The following FNDC8 variants were observed in gnomAD, a reference collection of about 807,000 sequenced individuals.
The protein encoded by FNDC8 is fibronectin type III domain-containing protein 8.
FNDC8 carries 23 observed loss-of-function variants against 24.8 expected under a neutral mutation model. The ratio of observed to expected loss-of-function variants is 0.93; its 90% CI spans 0.67 to 1.31. The LOEUF (loss-of-function observed/expected upper bound fraction) is 1.31, where lower values mean the gene tolerates loss of function less well. Ranked by LOEUF, FNDC8 falls within the 40% of genes most tolerant of loss-of-function variation. The pLI is 0.00. For missense variants in FNDC8, 371 were observed against 398.2 expected (o/e 0.93, Z 0.58); for synonymous variants, 158 against 165.3 (o/e 0.96, Z 0.34).
intron 1 of FNDC8, among the ~76,000 whole-genome samples, chr17:35,125,500 A>G (rs1006299927): frequency 4.6e-5 from 7 of 152,266 alleles, no homozygotes; most frequent in African/African-American, 1.7e-4. Flanking sequence ...ACATGTATCA[A>G]GATAGATGAA....
intron 2 of FNDC8, chr17:35,129,147 G>A (rs1339341133): frequency 5.2e-6 from 2 of 385,102 alleles, no homozygotes; most frequent in Non-Finnish European, 9.7e-6. Flanking sequence ...ACTGCTATCA[G>A]TTGGTGGCCC....
At chr17:35,128,594 G>A (rs1486525858) in intron 2 of FNDC8, among the ~76,000 whole-genome samples, 2 of 152,108 alleles carry the variant, frequency 1.3e-5, no homozygotes, top group East Asian at 3.8e-4. Flanking sequence ...TGCCCTCTCT[G>A]GACCTAGTCG....
rs2091824155 is a variant in FNDC8, at chr17:35,121,619, C to G, written c.-75C>G. 1.4e-6 allele frequency: 2 copies of G among 1,396,392 alleles called. No homozygotes were observed. Among genetic ancestry groups the G allele is most frequent in the African/African-American group, 2.8e-5 (2 of 70,774 alleles). The allele number at this position is 1,396,392 out of a possible 1,614,324, so 86.5% of individuals were successfully genotyped here. A position where few individuals can be genotyped will look rare whatever the true frequency, so the allele number is the denominator to read the frequency against. On this transcript the variant is annotated 5_prime_UTR_variant, in exon 1 of 4. Coordinates refer to ENST00000158009, the MANE Select transcript of FNDC8 (RefSeq NM_017559.4). ...TGTCCAAACTAAAGGTGGGCCACTGCCCCCACAGTTTCTCTCTGCTTCTGG... is the reference window on the plus strand; with the variant it reads ...TGTCCAAACTAAAGGTGGGCCACTGGCCCCACAGTTTCTCTCTGCTTCTGG...
chr17:35,129,888 T>G, intron 3 of FNDC8: 1 of 1,407,722 alleles, frequency 7.1e-7, no homozygotes, highest in South Asian at 1.6e-5. Flanking sequence ...TCAACATCAC[T>G]ATAATGTTCC....
intron 2 of FNDC8, among the ~76,000 whole-genome samples, chr17:35,127,968 C>A (rs1242357304): frequency 6.6e-6 from 1 of 152,184 alleles, no homozygotes; most frequent in African/African-American, 2.4e-5. Context: ...TGCTGTGGCT[C>A]CCCGTCCGCG....
chr17:35,124,459 G>GGA (rs1567739360), intron 1 of FNDC8, among the ~76,000 whole-genome samples: 1 of 152,022 alleles, frequency 6.6e-6, no homozygotes, highest in Non-Finnish European at 1.5e-5. Flanking sequence ...CCCAGGAGGC[G>GGA]GAGGTTGCAG....
chr17:35,124,690 A>C (rs1368791551), intron 1 of FNDC8, among the ~76,000 whole-genome samples: 1 of 152,202 alleles, frequency 6.6e-6, no homozygotes, highest in Non-Finnish European at 1.5e-5. Flanking sequence ...CTTTGGGTAA[A>C]GGTAAAAAAA....
At chr17:35,127,776 A>G (rs1400206762) in intron 2 of FNDC8, among the ~76,000 whole-genome samples, 2 of 152,192 alleles carry the variant, frequency 1.3e-5, no homozygotes, top group Non-Finnish European at 2.9e-5. Context: ...AGCTCACAGG[A>G]AAGTGAGGGA....
chr17:35,122,924 G>A (rs1488965525), intron 1 of FNDC8, among the ~76,000 whole-genome samples: 1 of 152,198 alleles, frequency 6.6e-6, no homozygotes, highest in East Asian at 1.9e-4. Flanking sequence ...TAAGTGCCAG[G>A]ACAGGATGCC....
At chr17:35,126,862 T>C (rs1445091028) in intron 1 of FNDC8, among the ~76,000 whole-genome samples, 180 bp from the exon 2 acceptor site, 1 of 152,218 alleles carries the variant, frequency 6.6e-6, no homozygotes, top group Non-Finnish European at 1.5e-5. Context: ...GGACTAAAAG[T>C]CTGCATTTTT....
At chr17:35,130,219 CAG>C (rs994347819) in intron 3 of FNDC8, 61 bp from the exon 4 acceptor site, 10 of 1,579,276 alleles carry the variant, frequency 6.3e-6, no homozygotes, top group East Asian at 2.2e-5. Context: ...GTGATAGAGA[CAG>C]AGAGAGAGCC....
intron 2 of FNDC8, 121 bp downstream of exon 2, chr17:35,127,538 A>G: frequency 8.2e-7 from 1 of 1,219,280 alleles, no homozygotes; most frequent in Non-Finnish European, 1.1e-6. Context: ...ACGGTTTAGG[A>G]AGGGAGAGGA....
intron 1 of FNDC8, among the ~76,000 whole-genome samples, chr17:35,123,406 G>C (rs1482563013): frequency 2.0e-5 from 3 of 152,130 alleles, no homozygotes; most frequent in Admixed American, 6.6e-5. Context: ...TCAGATCCAA[G>C]TTCTGCCACT....
In FNDC8 at chr17:35,127,325, AC is replaced by A. The variant is rs2091853419; in HGVS notation, c.495del (p.Ser166ProfsTer30). ...DLDNPELETE[T>X]SSTHSESSVV... ...TGACAACCCTGAGCTGGAGACAGAA[AC>A]CTCCTCAACGCACTCAGAATCTTCT... On this transcript the variant is annotated frameshift_variant, in exon 2 of 4. Coordinates refer to ENST00000158009, the MANE Select transcript of FNDC8 (RefSeq NM_017559.4). LOFTEE classifies it high-confidence loss of function. 1 of 1,612,396 alleles carries A rather than the reference AC, an allele frequency of 6.2e-7. No homozygotes were observed. Among genetic ancestry groups the A allele is most frequent in the East Asian group, 2.2e-5 (1 of 44,886 alleles).
chr17:35,130,047 T>C (rs373923439), intron 3 of FNDC8: 3 of 1,402,334 alleles, frequency 2.1e-6, no homozygotes, highest in Non-Finnish European at 1.8e-6. Context: ...GGTAGGGGTA[T>C]GGGGGTATAG....
rs1190558880 is a variant in FNDC8 at position 35,127,058 on chromosome 17, G to C, written c.226G>C (p.Glu76Gln). 1 of 1,588,612 alleles carries C rather than the reference G, an allele frequency of 6.3e-7. No individual in the cohort carries two copies. ...TINLLKPLPV[E>Q]DSDCSSDETS... ...TTGCTCCAGGAAGCCGCTGCCAGTA[G>C]AGGATTCAGACTGCAGCTCTGATGA... is the stretch of plus-strand genomic sequence containing the variant. The change falls in exon 2 of 4, where the codon GAG becomes CAG. Residue 76 changes from glutamate (E) to glutamine (Q), a missense_variant. Transcript: ENST00000158009.
At chr17:35,123,989 A>G (rs2091839972) in intron 1 of FNDC8, among the ~76,000 whole-genome samples, 1 of 152,226 alleles carries the variant, frequency 6.6e-6, no homozygotes, top group East Asian at 1.9e-4. Flanking sequence ...CAGACTCTTC[A>G]GTCTACAAAA....
chr17:35,123,348 G>A (rs925338561), intron 1 of FNDC8, among the ~76,000 whole-genome samples: 19 of 152,118 alleles, frequency 1.2e-4, no homozygotes, highest in African/African-American at 2.9e-4. Context: ...ATGGATGCTC[G>A]TAGGAAACTT....
In FNDC8 at chr17:35,130,579, G is replaced by A. The variant is rs969951012; in HGVS notation, c.*145G>A. ...GGTATGGGCACCCCACCCCTGGGCT[G>A]GGGCCAAGGCTACATAGGGGCCCCA... On this transcript the variant is annotated 3_prime_UTR_variant, in exon 4 of 4. Transcript: ENST00000158009. The A allele has an allele frequency of 1.2e-4, 102 of 869,628 alleles. 1 individual carries two copies. The highest frequency in any genetic ancestry group is 2.4e-5 in the Non-Finnish European group (14 of 583,026). 53.9% of individuals were successfully genotyped at this position (869,628 alleles called of 1,614,324 possible).
Sources: gnomAD v4.1 joint callset for allele counts (sites outside exome capture counted in the v4.1 genomes callset) on GRCh38, gnomAD v4.1.1 for gene constraint, MANE v1.5 for transcripts, NCBI Gene and HGNC (gene_info 2026-07-23, HGNC 2026-07-21) for gene names.